The following DPP10 variants were observed in gnomAD, a reference collection of about 807,000 sequenced individuals.
The protein encoded by DPP10 is dipeptidyl peptidase like 10.
In DPP10, 33 loss-of-function variants were observed where a neutral mutation model predicts 120.9. The observed-to-expected ratio is 0.27, with a 90% CI of 0.21 to 0.37. The LOEUF is 0.37. Among genes scored for constraint, DPP10 ranks in the 10% least tolerant of loss-of-function variants. The pLI is 1.00. For synonymous variants in DPP10, 337 were observed against 326.1 expected, an observed-to-expected ratio of 1.03 and a Z score of -0.36; for missense variants, 816 against 942.8, an observed-to-expected ratio of 0.87 and a Z score of 1.76.
At chr2:114,474,255 C>T (rs922249768) in intron 1 of DPP10, among the ~76,000 whole-genome samples, 6 of 152,184 alleles carry the variant, frequency 3.9e-5, no homozygotes, top group South Asian at 2.1e-4. Context: ...TGCGCCCAGC[C>T]GCTTTTGCTA....
At chr2:114,830,752 A>G (rs1232041685) in intron 1 of DPP10, among the ~76,000 whole-genome samples, 4 of 152,150 alleles carry the variant, frequency 2.6e-5, no homozygotes, top group Non-Finnish European at 5.9e-5. Flanking sequence ...TAGTTTCTTT[A>G]TCAGGCCTAA....
chr2:115,835,467 G>C (rs1404957920), intron 21 of DPP10, among the ~76,000 whole-genome samples: 1 of 152,104 alleles, frequency 6.6e-6, no homozygotes, highest in Non-Finnish European at 1.5e-5. Context: ...GAGAGAGAGA[G>C]AGACCCTTGA....
At chr2:115,273,893 T>C (rs570672114) in intron 1 of DPP10, among the ~76,000 whole-genome samples, 1 of 152,198 alleles carries the variant, frequency 6.6e-6, no homozygotes, top group African/African-American at 2.4e-5. Flanking sequence ...CTTTTACTAG[T>C]ATTTCATAGC....
intron 5 of DPP10, among the ~76,000 whole-genome samples, chr2:115,670,836 A>G (rs1159497359): frequency 1.3e-5 from 2 of 152,138 alleles, no homozygotes; most frequent in African/African-American, 2.4e-5. Flanking sequence ...GTTAGATTAA[A>G]AGGCATCTCC....
At chr2:114,872,765 A>T (rs1166721052) in intron 1 of DPP10, among the ~76,000 whole-genome samples, 1 of 152,186 alleles carries the variant, frequency 6.6e-6, no homozygotes, top group Admixed American at 6.6e-5. Flanking sequence ...AACAAACATC[A>T]CTGGAGATCT....
chr2:115,824,747 A>C (rs1005548849), intron 21 of DPP10, among the ~76,000 whole-genome samples: 4 of 152,108 alleles, frequency 2.6e-5, no homozygotes, highest in Non-Finnish European at 5.9e-5. Context: ...TTGGTTCCAA[A>C]TCTTTCTAAT....
intron 1 of DPP10, among the ~76,000 whole-genome samples, chr2:114,879,604 A>T (rs890063705): frequency 6.6e-6 from 1 of 152,170 alleles, no homozygotes; most frequent in Non-Finnish European, 1.5e-5. Flanking sequence ...AGGAAAAAGA[A>T]ATCAAATAGG....
chr2:114,720,255 G>A lies in DPP10; in HGVS notation c.60+277417G>A, dbSNP rs181024704. ...TTTGTCAGAAGTTTGGCTTTCTGAC[G>A]ACTTTCTATTGAGCTTGCATGAGCA... is the stretch of plus-strand genomic sequence containing the variant. On this transcript the variant is annotated intron_variant, in intron 1 of 25. Transcript: ENST00000410059. Among the ~76,000 whole-genome samples the A allele has an allele frequency of 3.9e-5, 6 of 152,262 alleles. No individual in the cohort carries two copies. In the East Asian group the frequency reaches 5.8e-4, roughly 15 times the overall value.
rs116315244 is a variant in DPP10, at chr2:114,501,069, C to T, written c.60+58231C>T. ...AGTCACTTAATTTACTAATGAATGA[C>T]CCCAGGTCTCATAGCTTTTCTTTAG... On this transcript the variant is annotated intron_variant, in intron 1 of 25. Coordinates refer to ENST00000410059, the MANE Select transcript of DPP10 (RefSeq NM_020868.6). Among the ~76,000 whole-genome samples, 1,492 of 152,242 alleles carry T rather than the reference C, an allele frequency of 9.8e-3. 17 individuals carry two copies. Among genetic ancestry groups the T allele is most frequent in the Middle Eastern group, 0.031 (9 of 294 alleles).
chr2:114,646,088 A>G (rs1186096729), intron 1 of DPP10, among the ~76,000 whole-genome samples: 1 of 151,926 alleles, frequency 6.6e-6, no homozygotes, highest in Admixed American at 6.6e-5. Flanking sequence ...TGAACCCAGG[A>G]GGCGGAGGTT....
intron 1 of DPP10, among the ~76,000 whole-genome samples, chr2:115,037,914 T>C (rs1377104439): frequency 6.6e-6 from 1 of 152,228 alleles, no homozygotes; most frequent in Non-Finnish European, 1.5e-5. Flanking sequence ...TTATGTGGAA[T>C]GGTTGGTGTG....
intron 1 of DPP10, among the ~76,000 whole-genome samples, chr2:114,710,322 A>T (rs1700943769): frequency 1.3e-5 from 2 of 152,132 alleles, no homozygotes; most frequent in South Asian, 4.2e-4. Flanking sequence ...CTTTATGAAA[A>T]ACTTTGCTAA....
chr2:114,746,913 T>A (rs144560395), intron 1 of DPP10, among the ~76,000 whole-genome samples: 12 of 152,318 alleles, frequency 7.9e-5, no homozygotes, highest in African/African-American at 2.9e-4. Context: ...AACCTGTCAA[T>A]GAAACATTGT....
chr2:115,831,825 G>A (rs892577525), intron 21 of DPP10, among the ~76,000 whole-genome samples: 1 of 152,144 alleles, frequency 6.6e-6, no homozygotes, highest in East Asian at 1.9e-4. Flanking sequence ...ACTTTTGTAA[G>A]TAATGCTAAA....
chr2:114,675,950 C>T (rs1483204338), intron 1 of DPP10, among the ~76,000 whole-genome samples: 3 of 151,996 alleles, frequency 2.0e-5, no homozygotes, highest in African/African-American at 7.2e-5. Context: ...CAAGTGTGCA[C>T]CACCATGCCT....
intron 3 of DPP10, among the ~76,000 whole-genome samples, chr2:115,457,244 C>A (rs1257047133): frequency 1.3e-5 from 2 of 151,390 alleles, no homozygotes; most frequent in South Asian, 4.2e-4. Context: ...GACCCTGATA[C>A]CACAATAGAA....
chr2:115,733,517 G>C (rs1481139884), intron 8 of DPP10, among the ~76,000 whole-genome samples: 2 of 151,274 alleles, frequency 1.3e-5, no homozygotes, highest in Non-Finnish European at 2.9e-5. Flanking sequence ...GGATGGACAT[G>C]TAAATGGGGA....
At chr2:114,487,285 G>A (rs971240182) in intron 1 of DPP10, among the ~76,000 whole-genome samples, 2 of 152,104 alleles carry the variant, frequency 1.3e-5, no homozygotes, top group Admixed American at 6.6e-5. Flanking sequence ...TAAATAATAA[G>A]TTTGGAAGAA....
chr2:115,378,993 G>A (rs1386328313), intron 3 of DPP10, among the ~76,000 whole-genome samples: 2 of 152,198 alleles, frequency 1.3e-5, no homozygotes, highest in Admixed American at 6.5e-5. Flanking sequence ...TGTTCATCAA[G>A]GATATTGGTC....
Sources: gnomAD v4.1 joint callset for allele counts (sites outside exome capture counted in the v4.1 genomes callset) on GRCh38, gnomAD v4.1.1 for gene constraint, MANE v1.5 for transcripts, NCBI Gene and HGNC (gene_info 2026-07-23, HGNC 2026-07-21) for gene names.